YLPM1: variants seen among roughly 807,000 people sequenced by gnomAD.
The protein encoded by YLPM1 is YLP motif containing 1.
Under a neutral mutation model 230.0 loss-of-function variants are expected in YLPM1, and 99 were observed. The ratio of observed to expected loss-of-function variants is 0.43; its 90% confidence interval spans 0.37 to 0.51. The LOEUF (loss-of-function observed/expected upper bound fraction) is 0.51, where lower values mean the gene tolerates loss of function less well. Among genes scored for constraint, YLPM1 ranks in the 20% least tolerant of loss-of-function variants. YLPM1 has a pLI of 0.00. For synonymous variants in YLPM1, 984 were observed against 942.5 expected (o/e 1.04, Z -0.81); for missense variants, 2,592 against 2,707.7 (o/e 0.96, Z 0.95).
chr14:74,782,493 A>G (rs2091106103), intron 4 of YLPM1, among the ~76,000 whole-genome samples, 168 bp downstream of exon 4: 1 of 152,194 alleles, frequency 6.6e-6, no homozygotes, highest in Admixed American at 6.5e-5. Flanking sequence ...AAAAGGTAAC[A>G]TGCCCCCATT....
At chr14:74,789,637 A>T (rs1369667834) in intron 4 of YLPM1, among the ~76,000 whole-genome samples, 2 of 148,488 alleles carry the variant, frequency 1.3e-5, no homozygotes, top group Non-Finnish European at 3.0e-5. Context: ...TTTAAAAAAA[A>T]TTTTATTGAG....
chr14:74,806,547 C>T (rs1305903193), intron 6 of YLPM1, among the ~76,000 whole-genome samples: 3 of 152,082 alleles, frequency 2.0e-5, no homozygotes, highest in Non-Finnish European at 2.9e-5. Context: ...AGCGCCACTG[C>T]GCTCCAGCCT....
intron 6 of YLPM1, among the ~76,000 whole-genome samples, chr14:74,806,773 G>A (rs1337338316): frequency 6.8e-6 from 1 of 148,130 alleles, no homozygotes; most frequent in Non-Finnish European, 1.5e-5. Flanking sequence ...AATTCTGTTT[G>A]TGTCCTTCAC....
intron 11 of YLPM1, 23 bp downstream of exon 11, chr14:74,812,805 G>A (rs200206716): frequency 3.9e-5 from 63 of 1,604,134 alleles, no homozygotes; most frequent in South Asian, 3.7e-4. Context: ...AAGTTGATTC[G>A]TCTTCGTGCA....
In YLPM1 at chr14:74,835,417, A is replaced by G. The variant is rs2091636246; in HGVS notation, c.*6A>G. 3 of 1,613,180 alleles carry G rather than the reference A, an allele frequency of 1.9e-6. No homozygotes were observed. The highest frequency in any genetic ancestry group is 2.5e-6 in the Non-Finnish European group (3 of 1,179,472). On this transcript the variant is annotated 3_prime_UTR_variant, in exon 20 of 21. Coordinates refer to ENST00000325680, the MANE Select transcript of YLPM1 (RefSeq NM_019589.3). ...ATCGAACCAAATATATATGAGACTT[A>G]GTTTTTGAACGGAGTCATTATTCCT...
chr14:74,790,958 A>G (rs1460848001), intron 4 of YLPM1, among the ~76,000 whole-genome samples: 1 of 152,206 alleles, frequency 6.6e-6, no homozygotes, highest in Non-Finnish European at 1.5e-5. Context: ...AAGTCCAGTA[A>G]TAGACAGGTG....
chr14:74,810,519 A>C, intron 9 of YLPM1, 99 bp downstream of exon 9: 1 of 1,243,338 alleles, frequency 8.0e-7, no homozygotes, highest in Middle Eastern at 2.2e-4. Context: ...CTTCTCATGC[A>C]TGTGTATATG....
chr14:74,801,955 G>A (rs925240551), intron 5 of YLPM1, among the ~76,000 whole-genome samples: 3 of 152,118 alleles, frequency 2.0e-5, no homozygotes, highest in Non-Finnish European at 2.9e-5. Flanking sequence ...GGTGGCTTAC[G>A]CCTGTAATCC....
rs980192619 is a variant in YLPM1, at chr14:74,813,915, C to G, written c.5502+1133C>G. 5.9e-5 allele frequency among the ~76,000 whole-genome samples: 9 copies of G among 152,158 alleles called. No homozygotes were observed. In the East Asian group the frequency reaches 7.7e-4, roughly 13 times the overall value. On this transcript the variant is annotated intron_variant, in intron 11 of 20. Coordinates refer to ENST00000325680, the MANE Select transcript of YLPM1 (RefSeq NM_019589.3). ...TAAGATCATGTCATCTGCAAATATA[C>G]TTTTACTTCTTTCTTTCTGAATTGA...
At chr14:74,808,596 A>G (rs143850537) in intron 6 of YLPM1, among the ~76,000 whole-genome samples, 1,866 of 152,178 alleles carry the variant, frequency 0.012, 14 homozygotes, top group Non-Finnish European at 0.02. Context: ...TGAGGTCAGG[A>G]GTTCGAGACC....
chr14:74,835,843 C>T lies in YLPM1; in HGVS notation c.*105C>T, dbSNP rs930403926. On this transcript the variant is annotated 3_prime_UTR_variant, in exon 21 of 21. Coordinates refer to ENST00000325680, the MANE Select transcript of YLPM1 (RefSeq NM_019589.3). ...TTCTTTGTGTGTCACCTTGCTTCCA[C>T]GTTTCAGTTCTTGTTTTGTTTCTAC... 4 of 456,392 alleles carry T rather than the reference C, an allele frequency of 8.8e-6. No homozygotes were observed. The highest frequency in any genetic ancestry group is 8.0e-5 in the African/African-American group (4 of 50,016). The allele number at this position is 456,392 out of a possible 1,614,324, so 28.3% of individuals were successfully genotyped here.
In YLPM1 at chr14:74,799,476, A is replaced by G; in HGVS notation, c.4179A>G (p.Arg1393=). ...WREKRDYVPD[R]MDWERERLSD... ...AAAAGCGAGATTATGTTCCTGACAG[A>G]ATGGACTGGGAAAGAGAACGGTTGT... The change falls in exon 5 of 21, where the codon AGA becomes AGG. Residue 1393 remains arginine, a synonymous_variant. Coordinates refer to ENST00000325680, the MANE Select transcript of YLPM1 (RefSeq NM_019589.3). 1 of 1,613,998 alleles carries G rather than the reference A, an allele frequency of 6.2e-7. No homozygotes were observed. The highest frequency in any genetic ancestry group is 8.5e-7 in the Non-Finnish European group (1 of 1,179,894).
intron 6 of YLPM1, among the ~76,000 whole-genome samples, chr14:74,808,158 C>T (rs527457553): frequency 2.6e-5 from 4 of 152,222 alleles, no homozygotes; most frequent in Non-Finnish European, 5.9e-5. Context: ...AGTTAATCCT[C>T]ATTCCTACCC....
chr14:74,797,394 C>T (rs2091275133), intron 4 of YLPM1, among the ~76,000 whole-genome samples, 186 bp from the exon 5 acceptor site: 1 of 151,976 alleles, frequency 6.6e-6, no homozygotes, highest in Non-Finnish European at 1.5e-5. Context: ...TGTCCTAAGA[C>T]CTTCTGAGCA....
At position 74,782,263 on chromosome 14, in the gene YLPM1, A is replaced by C; in HGVS notation, c.2220A>C (p.Arg740Ser). The change falls in exon 4 of 21, where the codon AGA becomes AGC. Residue 740 changes from arginine to serine, a missense_variant. Arg to Ser is a moderately radical substitution (Grantham distance 110). Coordinates refer to ENST00000325680, the MANE Select transcript of YLPM1 (RefSeq NM_019589.3). ...PITAVKDMPV[R>S]SGGLLPDPPR... ...CTGCAGTGAAGGACATGCCAGTGAG[A>C]TCAGGTGGCCTGCTTCCAGATCCTC... 1 of 1,584,752 alleles carries C rather than the reference A, an allele frequency of 6.3e-7. No homozygotes were observed. Among genetic ancestry groups the C allele is most frequent in the Non-Finnish European group, 8.5e-7 (1 of 1,173,426 alleles).
rs1187382008 is a variant in YLPM1, at chr14:74,798,969, G to A, written c.3672G>A (p.Glu1224=). The A allele has an allele frequency of 6.2e-7, 1 of 1,613,878 alleles. No individual in the cohort carries two copies. The highest frequency in any genetic ancestry group is 1.1e-5 in the South Asian group (1 of 91,046). ...ERERLDDWDR[E]RYWRECERDY... ...AAAGACTCGATGACTGGGATAGAGA[G>A]AGATACTGGAGAGAATGTGAACGTG... Residue 1224 remains glutamate, a synonymous_variant, in exon 5 of 21, where the codon GAG becomes GAA. Transcript: ENST00000325680.
intron 16 of YLPM1, among the ~76,000 whole-genome samples, chr14:74,818,712 C>A (rs2091498173): frequency 6.6e-6 from 1 of 152,092 alleles, no homozygotes; most frequent in Non-Finnish European, 1.5e-5. Context: ...AATTAAATTT[C>A]TTGAATTATC....
Position 74,782,863 on chromosome 14 carries a change from C to T in YLPM1, c.2282+538C>T, listed in dbSNP as rs115747423. Among the ~76,000 whole-genome samples the T allele has an allele frequency of 6.6e-3, 1,005 of 152,134 alleles. 14 individuals carry two copies. Among genetic ancestry groups the T allele is most frequent in the African/African-American group, 0.023 (966 of 41,504 alleles). On this transcript the variant is annotated intron_variant, in intron 4 of 20. Coordinates refer to ENST00000325680, the MANE Select transcript of YLPM1 (RefSeq NM_019589.3). ...AGCAGAACACATAAAATTCCTGCCC[C>T]CATGGAGCTTACATCCTTTATATTT...
At position 74,818,329 on chromosome 14, in the gene YLPM1, G is replaced by T. The variant is rs751040417; in HGVS notation, c.6030+15G>T. 8.9e-6 allele frequency: 14 copies of T among 1,575,012 alleles called. No individual in the cohort carries two copies. Among genetic ancestry groups the T allele is most frequent in the Non-Finnish European group, 1.2e-5 (14 of 1,160,370 alleles). ...CTATTGAAGAGGTGAGTATCCTTTG[G>T]TTCAAATGCAATGCAAAGTGATGTT... On this transcript the variant is annotated intron_variant, in intron 16 of 20. Coordinates refer to ENST00000325680, the MANE Select transcript of YLPM1 (RefSeq NM_019589.3).
Sources: allele counts gnomAD v4.1 joint callset (sites outside exome capture counted in the v4.1 genomes callset), GRCh38; gene constraint gnomAD v4.1.1; transcripts MANE v1.5; gene names NCBI Gene and HGNC (gene_info 2026-07-23, HGNC 2026-07-21).